GRXCR1: variants seen among roughly 807,000 people sequenced by gnomAD.
GRXCR1 encodes glutaredoxin and cysteine rich domain containing 1.
A neutral mutation model predicts 27.3 loss-of-function variants in GRXCR1; 27 were observed. The ratio of observed to expected loss-of-function variants is 0.99; its 90% confidence interval spans 0.73 to 1.37. The LOEUF (loss-of-function observed/expected upper bound fraction) is 1.37. GRXCR1 is among the 40% of genes most tolerant of loss of function. The pLI, the probability that GRXCR1 is intolerant of heterozygous loss-of-function variation, is 0.00. For synonymous variants in GRXCR1, 122 were observed against 131.1 expected, an observed-to-expected ratio of 0.93 and a Z score of 0.47; for missense variants, 379 against 354.4, an observed-to-expected ratio of 1.07 and a Z score of -0.56.
chr4:42,996,103 A>G (rs908740203), intron 2 of GRXCR1, among the ~76,000 whole-genome samples: 1 of 152,186 alleles, frequency 6.6e-6, no homozygotes, highest in African/African-American at 2.4e-5. Flanking sequence ...ACAAAAAATT[A>G]TATATTTCTT....
chr4:42,907,726 C>T (rs1746628395), intron 1 of GRXCR1, among the ~76,000 whole-genome samples: 1 of 152,178 alleles, frequency 6.6e-6, no homozygotes, highest in South Asian at 2.1e-4. Flanking sequence ...GCTTTTTAGG[C>T]TATCTAGATT....
At chr4:42,946,784 T>C (rs1437146391) in intron 1 of GRXCR1, among the ~76,000 whole-genome samples, 1 of 152,144 alleles carries the variant, frequency 6.6e-6, no homozygotes, top group Non-Finnish European at 1.5e-5. Flanking sequence ...CTTAATACTA[T>C]TGCATTGAGG....
At chr4:42,897,560 A>T (rs1020773434) in intron 1 of GRXCR1, among the ~76,000 whole-genome samples, 68 of 152,222 alleles carry the variant, frequency 4.5e-4, no homozygotes, top group African/African-American at 1.6e-3. Context: ...ATTTATAAGC[A>T]TTCTAATATT....
intron 1 of GRXCR1, among the ~76,000 whole-genome samples, chr4:42,940,226 T>C (rs932935053): frequency 2.0e-5 from 3 of 152,076 alleles, no homozygotes; most frequent in African/African-American, 4.8e-5. Context: ...CTCCCTCTCA[T>C]GCTAGTACAC....
At chr4:42,921,702 A>G (rs1313958408) in intron 1 of GRXCR1, among the ~76,000 whole-genome samples, 1 of 152,122 alleles carries the variant, frequency 6.6e-6, no homozygotes, top group East Asian at 1.9e-4. Flanking sequence ...TCTCTTAAAA[A>G]AATCTTGTCA....
At position 42,893,097 on chromosome 4, in the gene GRXCR1, T is replaced by C. The variant is rs1746269070; in HGVS notation, c.-170T>C. ...CACACACACACACATTTATTATTAA[T>C]AGCAGAGACACACTGTAAGTCCTTG... On this transcript the variant is annotated 5_prime_UTR_variant, in exon 1 of 4. Coordinates refer to ENST00000399770, the MANE Select transcript of GRXCR1 (RefSeq NM_001080476.3). 6.6e-6 allele frequency among the ~76,000 whole-genome samples: 1 copy of C among 152,130 alleles called. No homozygotes were observed. Among genetic ancestry groups the C allele is most frequent in the African/African-American group, 2.4e-5 (1 of 41,444 alleles).
At chr4:43,024,489 G>T (rs186823768) in intron 3 of GRXCR1, among the ~76,000 whole-genome samples, 1 of 127,712 alleles carries the variant, frequency 7.8e-6, no homozygotes, top group Non-Finnish European at 1.6e-5. Flanking sequence ...TTCACCTGGG[G>T]AATCAGGCCA....
intron 2 of GRXCR1, among the ~76,000 whole-genome samples, chr4:42,976,136 T>C (rs1461403065): frequency 6.6e-6 from 1 of 152,096 alleles, no homozygotes; most frequent in Non-Finnish European, 1.5e-5. Flanking sequence ...GTCCATTGTT[T>C]AATGATTTTT....
intron 1 of GRXCR1, among the ~76,000 whole-genome samples, chr4:42,954,598 A>G (rs1747956275): frequency 6.6e-6 from 1 of 152,170 alleles, no homozygotes; most frequent in Non-Finnish European, 1.5e-5. Context: ...GCATATGTAG[A>G]GTTCCTTTTG....
At chr4:42,986,382 G>A (rs546446026) in intron 2 of GRXCR1, among the ~76,000 whole-genome samples, 2 of 152,310 alleles carry the variant, frequency 1.3e-5, no homozygotes, top group Admixed American at 6.5e-5. Context: ...ACAAGGTTGA[G>A]TGGGCCCAGG....
In GRXCR1 at chr4:42,987,250, T is replaced by TATATA. The variant is rs1553943945; in HGVS notation, c.627+24117_627+24121dup. ...TATATTATATATATATAATATATAA[T>TATATA]ATATATATATAATATATATATATAT... is the stretch of plus-strand genomic sequence containing the variant. On this transcript the variant is annotated intron_variant, in intron 2 of 3. Coordinates refer to ENST00000399770, the MANE Select transcript of GRXCR1 (RefSeq NM_001080476.3). Among the ~76,000 whole-genome samples the TATATA allele has an allele frequency of 5.4e-3, 426 of 78,468 alleles. 2 individuals are homozygous for TATATA. Among genetic ancestry groups the TATATA allele is most frequent in the African/African-American group, 0.02 (383 of 19,630 alleles). The allele number at this position is 78,468 out of a possible 152,430, so 51.5% of individuals were successfully genotyped here. A position where few individuals can be genotyped will look rare whatever the true frequency, so the allele number is the denominator to read the frequency against.
At chr4:42,900,637 A>G (rs7656477) in intron 1 of GRXCR1, among the ~76,000 whole-genome samples, 44,782 of 152,076 alleles carry the variant, frequency 0.29, 7,139 homozygotes, top group Middle Eastern at 0.38. Context: ...TGCTAGAGAT[A>G]GATTTTGTCA....
chr4:42,939,166 C>T (rs551715861), intron 1 of GRXCR1, among the ~76,000 whole-genome samples: 192 of 151,950 alleles, frequency 1.3e-3, no homozygotes, highest in African/African-American at 3.9e-3. Flanking sequence ...TGTGTGTGTC[C>T]TCTTCAATTT....
intron 1 of GRXCR1, among the ~76,000 whole-genome samples, chr4:42,929,557 G>A (rs10020984): frequency 0.024 from 3,657 of 152,016 alleles, 167 homozygotes; most frequent in African/African-American, 0.082. Context: ...AGAAACTCCT[G>A]TATTTATTTG....
chr4:43,014,943 TGAGAGCACAAAG>T (rs1391651663), intron 2 of GRXCR1, among the ~76,000 whole-genome samples: 1 of 152,160 alleles, frequency 6.6e-6, no homozygotes, highest in Non-Finnish European at 1.5e-5. Flanking sequence ...AAATGTGATC[TGAGAGCACAAAG>T]AAGGAATTGA....
At chr4:42,930,713 A>G (rs1747286017) in intron 1 of GRXCR1, among the ~76,000 whole-genome samples, 1 of 152,002 alleles carries the variant, frequency 6.6e-6, no homozygotes, top group Admixed American at 6.6e-5. Context: ...TAAGTGAATT[A>G]TTACCTTTTT....
At chr4:42,915,127 C>T (rs1746856563) in intron 1 of GRXCR1, among the ~76,000 whole-genome samples, 1 of 152,110 alleles carries the variant, frequency 6.6e-6, no homozygotes, top group Admixed American at 6.6e-5. Context: ...AACCTGTAGT[C>T]TCAGTCTAGT....
At chr4:42,973,637 G>C (rs964879016) in intron 2 of GRXCR1, among the ~76,000 whole-genome samples, 1 of 152,068 alleles carries the variant, frequency 6.6e-6, no homozygotes, top group African/African-American at 2.4e-5. Flanking sequence ...CAGTTGCCAA[G>C]ATTTATTGTA....
At chr4:42,928,239 C>A (rs1157434897) in intron 1 of GRXCR1, among the ~76,000 whole-genome samples, 1 of 151,956 alleles carries the variant, frequency 6.6e-6, no homozygotes, top group African/African-American at 2.4e-5. Flanking sequence ...AATAGTCCTG[C>A]ACACGTTTCC....
Sources: allele counts gnomAD v4.1 joint callset (sites outside exome capture counted in the v4.1 genomes callset), GRCh38; gene constraint gnomAD v4.1.1; transcripts MANE v1.5; gene names NCBI Gene and HGNC (gene_info 2026-07-23, HGNC 2026-07-21).